Variants in HS6ST1 observed in about 807,000 individuals in gnomAD.
HS6ST1 encodes heparan sulfate 6-O-sulfotransferase 1.
In HS6ST1, 3 loss-of-function variants were observed where a neutral mutation model predicts 25.2. The ratio of observed to expected loss-of-function variants is 0.12; its 90% CI spans 0.05 to 0.31. The LOEUF (loss-of-function observed/expected upper bound fraction) is 0.31, where lower values mean the gene tolerates loss of function less well. Among genes scored for constraint, HS6ST1 ranks in the 10% least tolerant of loss-of-function variants. HS6ST1 has a pLI of 1.00. For synonymous variants in HS6ST1, 204 were observed against 275.1 expected (o/e 0.74, Z 2.56); for missense variants, 310 against 609.6 (o/e 0.51, Z 5.18).
At chr2:128,307,943 CT>C (rs1218093529) in intron 1 of HS6ST1, among the ~76,000 whole-genome samples, 1 of 152,190 alleles carries the variant, frequency 6.6e-6, no homozygotes, top group Non-Finnish European at 1.5e-5. Flanking sequence ...TCTGGACTAC[CT>C]TGATGTTAAG....
chr2:128,310,766 A>G (rs1336983029), intron 1 of HS6ST1, among the ~76,000 whole-genome samples: 1 of 152,164 alleles, frequency 6.6e-6, no homozygotes, highest in Non-Finnish European at 1.5e-5. Flanking sequence ...TTCCAAAACA[A>G]CATCCCTTGC....
chr2:128,278,828 ATT>A (rs1349423451), intron 1 of HS6ST1, among the ~76,000 whole-genome samples: 1 of 152,108 alleles, frequency 6.6e-6, no homozygotes, highest in African/African-American at 2.4e-5. Context: ...GAGATAATGA[ATT>A]TTTTTCAACA....
At chr2:128,302,078 C>A (rs2104931351) in intron 1 of HS6ST1, among the ~76,000 whole-genome samples, 1 of 152,320 alleles carries the variant, frequency 6.6e-6, no homozygotes, top group East Asian at 1.9e-4. Context: ...CCTCAGGACA[C>A]CCTGAGGCAG....
intron 1 of HS6ST1, among the ~76,000 whole-genome samples, chr2:128,304,998 T>C (rs139716191): frequency 6.6e-6 from 1 of 152,306 alleles, no homozygotes; most frequent in Non-Finnish European, 1.5e-5. Flanking sequence ...CTGTGATCTG[T>C]GTGGAATGCA....
At position 128,266,384 on chromosome 2, in the gene HS6ST1, C is replaced by T. The variant is rs1405524441; in HGVS notation, c.*1778G>A. ...TCACTTCCTTAGTGTGATGCATCCA[C>T]CCAGGGAGGTGGCCCTGCGCGGCGC... On this transcript the variant is annotated 3_prime_UTR_variant, in exon 2 of 2. Transcript: ENST00000259241. 1 of 152,300 alleles carries T rather than the reference C, an allele frequency of 6.6e-6. No individual in the cohort carries two copies. The highest frequency in any genetic ancestry group is 2.4e-5 in the African/African-American group (1 of 41,462). 9.4% of individuals were successfully genotyped at this position (152,300 alleles called of 1,614,324 possible).
chr2:128,309,518 G>A lies in HS6ST1; in HGVS notation c.527+8519C>T, dbSNP rs191144764. ...TGTCACAGGGAGATAACAGGCCCCT[G>A]CCCCTGCCCATGACCACCGGGGGCG... On this transcript the variant is annotated intron_variant, in intron 1 of 1. Coordinates refer to ENST00000259241, the MANE Select transcript of HS6ST1 (RefSeq NM_004807.3). 3.1e-3 allele frequency among the ~76,000 whole-genome samples: 465 copies of A among 152,306 alleles called. 5 individuals are homozygous for A. Among genetic ancestry groups the A allele is most frequent in the East Asian group, 5.0e-3 (26 of 5,186 alleles).
intron 1 of HS6ST1, among the ~76,000 whole-genome samples, chr2:128,299,352 C>T (rs1039511689): frequency 3.3e-5 from 5 of 152,258 alleles, no homozygotes; most frequent in Admixed American, 6.5e-5. Context: ...CTGCCCTGGC[C>T]GGCCCACTCT....
chr2:128,286,099 T>C (rs1693856315), intron 1 of HS6ST1, among the ~76,000 whole-genome samples: 1 of 152,176 alleles, frequency 6.6e-6, no homozygotes, highest in African/African-American at 2.4e-5. Context: ...GTGTGGCGTA[T>C]GTAGGGAGAC....
At chr2:128,310,695 G>T (rs1465837591) in intron 1 of HS6ST1, among the ~76,000 whole-genome samples, 2 of 152,166 alleles carry the variant, frequency 1.3e-5, no homozygotes. Flanking sequence ...CTCCACCCTG[G>T]GTTGGGTGGT....
At chr2:128,274,678 A>G (rs1413943875) in intron 1 of HS6ST1, among the ~76,000 whole-genome samples, 1 of 152,196 alleles carries the variant, frequency 6.6e-6, no homozygotes, top group Non-Finnish European at 1.5e-5. Flanking sequence ...CAGAAGCTCT[A>G]GGAAAAAAGG....
At chr2:128,277,289 T>C (rs1438591929) in intron 1 of HS6ST1, among the ~76,000 whole-genome samples, 8 of 152,280 alleles carry the variant, frequency 5.3e-5, no homozygotes, top group African/African-American at 1.9e-4. Context: ...TAAGCTGCGG[T>C]CCTGCTGCAT....
At chr2:128,269,024 C>T (rs1022589156) in intron 1 of HS6ST1, among the ~76,000 whole-genome samples, 154 bp from the exon 2 acceptor site, 2 of 152,252 alleles carry the variant, frequency 1.3e-5, no homozygotes, top group Admixed American at 1.3e-4. Context: ...TTTCAAAACC[C>T]GGTATCAGAG....
intron 1 of HS6ST1, among the ~76,000 whole-genome samples, chr2:128,300,466 C>T (rs1694107495): frequency 6.6e-6 from 1 of 152,292 alleles, no homozygotes; most frequent in South Asian, 2.1e-4. Context: ...GCCGTGTGTT[C>T]GCGGAGGTGT....
At chr2:128,297,722 G>A (rs1402622154) in intron 1 of HS6ST1, among the ~76,000 whole-genome samples, 1 of 152,076 alleles carries the variant, frequency 6.6e-6, no homozygotes, top group African/African-American at 2.4e-5. Context: ...TAATCCCAGC[G>A]ACTCAGGAGG....
intron 1 of HS6ST1, among the ~76,000 whole-genome samples, chr2:128,289,407 C>T (rs1693918083): frequency 6.6e-6 from 1 of 152,146 alleles, no homozygotes; most frequent in Non-Finnish European, 1.5e-5. Context: ...ACTATTAGAT[C>T]CCCCTGCAGA....
intron 1 of HS6ST1, among the ~76,000 whole-genome samples, chr2:128,304,667 A>G (rs1227478227): frequency 6.6e-6 from 1 of 151,890 alleles, no homozygotes; most frequent in East Asian, 1.9e-4. Flanking sequence ...CTGGCCAAAA[A>G]CCCTCTGCCA....
At chr2:128,277,117 G>C (rs1282790728) in intron 1 of HS6ST1, among the ~76,000 whole-genome samples, 2 of 152,162 alleles carry the variant, frequency 1.3e-5, no homozygotes, top group Non-Finnish European at 2.9e-5. Context: ...TCCAGGAGTA[G>C]GAGTGCCTTG....
chr2:128,273,016 C>T (rs867573138), intron 1 of HS6ST1, among the ~76,000 whole-genome samples: 11 of 152,216 alleles, frequency 7.2e-5, no homozygotes, highest in Admixed American at 1.3e-4. Context: ...GCCTGTCAGC[C>T]TCACCTGTCC....
At chr2:128,313,610 C>T (rs1210980872) in intron 1 of HS6ST1, among the ~76,000 whole-genome samples, 1 of 152,134 alleles carries the variant, frequency 6.6e-6, no homozygotes, top group African/African-American at 2.4e-5. Flanking sequence ...AAGACCAGGC[C>T]CCTTCTCCTC....
Sources: allele counts gnomAD v4.1 joint callset (sites outside exome capture counted in the v4.1 genomes callset), GRCh38; gene constraint gnomAD v4.1.1; transcripts MANE v1.5; gene names NCBI Gene and HGNC (gene_info 2026-07-23, HGNC 2026-07-21).